ARHGEF10: variants seen among roughly 807,000 people sequenced by gnomAD.
The protein encoded by ARHGEF10 is Rho guanine nucleotide exchange factor (GEF) 10.
In ARHGEF10, 140 loss-of-function variants were observed where a neutral mutation model predicts 147.4. The observed-to-expected ratio is 0.95, with a 90% CI of 0.83 to 1.09. The LOEUF (loss-of-function observed/expected upper bound fraction) is 1.09. Among genes scored for constraint, ARHGEF10 ranks in the 50% least tolerant of loss-of-function variants. The pLI is 0.00. For synonymous variants in ARHGEF10, 902 were observed against 695.8 expected, an observed-to-expected ratio of 1.30 and a Z score of -4.67; for missense variants, 2,222 against 1,752.7, an observed-to-expected ratio of 1.27 and a Z score of -4.78.
chr8:1,885,119 A>G (rs543487528), intron 10 of ARHGEF10, among the ~76,000 whole-genome samples: 2 of 152,274 alleles, frequency 1.3e-5, no homozygotes, highest in East Asian at 3.9e-4. Flanking sequence ...GTGCTTCTTA[A>G]GGCATCCAGT....
chr8:1,947,211 A>G (rs1296661211), intron 27 of ARHGEF10, among the ~76,000 whole-genome samples: 2 of 152,056 alleles, frequency 1.3e-5, no homozygotes, highest in East Asian at 3.9e-4. Context: ...AAAGTTCTGT[A>G]CACAAGGGGA....
intron 19 of ARHGEF10, 154 bp downstream of exon 19, chr8:1,923,233 G>C: frequency 4.7e-6 from 4 of 850,306 alleles, no homozygotes; most frequent in Non-Finnish European, 7.3e-6. Context: ...TAGATAAGGT[G>C]AGACTATTTA....
chr8:1,824,491 G>A (rs1306322843), intron 1 of ARHGEF10, among the ~76,000 whole-genome samples: 1 of 151,854 alleles, frequency 6.6e-6, no homozygotes, highest in African/African-American at 2.4e-5. Context: ...AATGCGGTCC[G>A]CCTCAGGATG....
At chr8:1,874,662 G>GC (rs1807496848) in intron 7 of ARHGEF10, among the ~76,000 whole-genome samples, 6 of 151,772 alleles carry the variant, frequency 4.0e-5, no homozygotes, top group African/African-American at 9.7e-5. Context: ...ACACACCAGG[G>GC]TGTGTAGGGG....
intron 12 of ARHGEF10, among the ~76,000 whole-genome samples, chr8:1,893,995 G>T (rs1331055213): frequency 6.6e-6 from 1 of 151,956 alleles, no homozygotes. Context: ...GCAACACAGT[G>T]ACTCTCCATC....
intron 2 of ARHGEF10, among the ~76,000 whole-genome samples, chr8:1,847,623 A>C (rs920642467): frequency 2.6e-5 from 4 of 152,054 alleles, no homozygotes; most frequent in African/African-American, 9.7e-5. Flanking sequence ...GGGGGATGGC[A>C]CTGTTTCTGG....
chr8:1,831,008 G>T (rs1016839929), intron 1 of ARHGEF10, among the ~76,000 whole-genome samples: 8 of 152,278 alleles, frequency 5.3e-5, no homozygotes, highest in Non-Finnish European at 7.3e-5. Flanking sequence ...GCCAGGGCTG[G>T]AGGGCCGAAG....
At chr8:1,873,063 G>C (rs149352436) in intron 7 of ARHGEF10, among the ~76,000 whole-genome samples, 2 of 152,184 alleles carry the variant, frequency 1.3e-5, no homozygotes, top group Non-Finnish European at 2.9e-5. Context: ...TCCAGCCGTC[G>C]GCCCCCTGCC....
At chr8:1,935,951 G>C (rs935099857) in intron 26 of ARHGEF10, among the ~76,000 whole-genome samples, 1 of 152,240 alleles carries the variant, frequency 6.6e-6, no homozygotes, top group Non-Finnish European at 1.5e-5. Flanking sequence ...TGCCTGATGA[G>C]CCCACCCGTG....
At chr8:1,844,002 G>A (rs1047653757) in intron 2 of ARHGEF10, among the ~76,000 whole-genome samples, 1 of 152,190 alleles carries the variant, frequency 6.6e-6, no homozygotes, top group Non-Finnish European at 1.5e-5. Context: ...CTCGCGCTCC[G>A]GCCAGTGGAG....
chr8:1,931,060 C>T (rs1165402510), intron 25 of ARHGEF10, among the ~76,000 whole-genome samples: 1 of 152,238 alleles, frequency 6.6e-6, no homozygotes, highest in South Asian at 2.1e-4. Context: ...CTCTCCCATT[C>T]CAGTCCTGCT....
chr8:1,930,763 T>G (rs551461330), intron 25 of ARHGEF10, among the ~76,000 whole-genome samples: 136 of 152,278 alleles, frequency 8.9e-4, no homozygotes, highest in African/African-American at 3.2e-3. Context: ...CCCCTCCTTC[T>G]CCCGTGTGGT....
chr8:1,880,198 G>T lies in ARHGEF10; in HGVS notation c.960+34G>T, dbSNP rs369675225. 8.0e-6 allele frequency: 12 copies of T among 1,495,294 alleles called. No homozygotes were observed. In the African/African-American group the frequency reaches 1.7e-4, roughly 21 times the overall value. 92.6% of individuals were successfully genotyped at this position (1,495,294 alleles called of 1,614,324 possible). A position where few individuals can be genotyped will look rare whatever the true frequency, so the allele number is the denominator to read the frequency against. On this transcript the variant is annotated intron_variant, in intron 9 of 28. Transcript: ENST00000349830. The stretch of plus-strand genomic sequence containing the variant: ...TTGCCCCCGGCCGCTGCCCCCACTT[G>T]CCAGCCGGGCAGTAAAGAAAAACCG...
At chr8:1,866,119 A>G (rs574785952) in intron 5 of ARHGEF10, among the ~76,000 whole-genome samples, 1 of 152,186 alleles carries the variant, frequency 6.6e-6, no homozygotes, top group Admixed American at 6.5e-5. Flanking sequence ...TCTCCCACTG[A>G]CCTGCTCCTG....
intron 2 of ARHGEF10, among the ~76,000 whole-genome samples, chr8:1,846,193 C>T (rs1203538469): frequency 3.9e-5 from 6 of 152,250 alleles, no homozygotes; most frequent in South Asian, 2.1e-4. Flanking sequence ...AGCCCTCTGG[C>T]GGGTTGGGAG....
chr8:1,871,144 C>T (rs1205915093), intron 7 of ARHGEF10: 1 of 133,522 alleles, frequency 7.5e-6, no homozygotes, highest in South Asian at 2.4e-4. Context: ...ATCAGTAAAC[C>T]ATAAAAGATT....
At chr8:1,919,759 G>C (rs1048156470) in intron 18 of ARHGEF10, among the ~76,000 whole-genome samples, 1 of 149,166 alleles carries the variant, frequency 6.7e-6, no homozygotes, top group African/African-American at 2.5e-5. Context: ...TGTTCTGTCA[G>C]TGATGGAGCT....
chr8:1,949,574 C>T (rs1209045734), intron 27 of ARHGEF10, among the ~76,000 whole-genome samples: 1 of 152,138 alleles, frequency 6.6e-6, no homozygotes, highest in African/African-American at 2.4e-5. Flanking sequence ...AGTGCTGAGA[C>T]ACATGGTAAA....
intron 25 of ARHGEF10, 110 bp from the exon 26 acceptor site, chr8:1,933,689 AT>A: frequency 1.5e-6 from 2 of 1,365,156 alleles, no homozygotes; most frequent in Non-Finnish European, 2.1e-6. Context: ...AAGCATTAAC[AT>A]TACAGGTGAT....
Sources: gnomAD v4.1 joint callset for allele counts (sites outside exome capture counted in the v4.1 genomes callset) on GRCh38, gnomAD v4.1.1 for gene constraint, MANE v1.5 for transcripts, NCBI Gene and HGNC (gene_info 2026-07-23, HGNC 2026-07-21) for gene names.